Variants in CSMD1 observed in about 807,000 individuals in gnomAD.
CSMD1 encodes the protein CUB and sushi domain-containing protein 1.
In CSMD1, 213 loss-of-function variants were observed where a neutral mutation model predicts 417.5. The observed-to-expected ratio is 0.51, with a 90% CI of 0.46 to 0.57. The LOEUF (loss-of-function observed/expected upper bound fraction) is 0.57. Among genes scored for constraint, CSMD1 ranks in the 20% least tolerant of loss-of-function variants. The pLI, the probability that CSMD1 is intolerant of heterozygous loss-of-function variation, is 0.00. For missense variants in CSMD1, 6,923 were observed against 4,529.7 expected, an observed-to-expected ratio of 1.53 and a Z score of -15.17; for synonymous variants, 2,862 against 1,736.8, an observed-to-expected ratio of 1.65 and a Z score of -16.11.
rs1168340584 is a variant in CSMD1, at chr8:3,439,281, GTATA to G, written c.1561+29427_1561+29430del. On this transcript the variant is annotated intron_variant, in intron 12 of 69. Transcript: ENST00000635120. ...TATTTGAGAGCATTTGGCAATGTCAGTATATATATATATATATATATATATATAT... is the reference window on the plus strand; with the variant it reads ...TATTTGAGAGCATTTGGCAATGTCAGTATATATATATATATATATATATAT... Among the ~76,000 whole-genome samples, 64 of 54,328 alleles carry G rather than the reference GTATA, an allele frequency of 1.2e-3. 4 individuals carry two copies. Among genetic ancestry groups the G allele is most frequent in the Middle Eastern group, 0.023 (2 of 88 alleles). The allele number at this position is 54,328 out of a possible 152,430, so 35.6% of individuals were successfully genotyped here.
At chr8:4,737,436 C>T (rs571342342) in intron 1 of CSMD1, among the ~76,000 whole-genome samples, 28 of 151,972 alleles carry the variant, frequency 1.8e-4, no homozygotes, top group African/African-American at 6.0e-4. Context: ...CCACAAATTG[C>T]CATAACAAAA....
At chr8:4,901,154 C>T (rs542453902) in intron 1 of CSMD1, among the ~76,000 whole-genome samples, 1 of 152,314 alleles carries the variant, frequency 6.6e-6, no homozygotes, top group South Asian at 2.1e-4. Flanking sequence ...GTCATCTGGG[C>T]TAAGAAAGAT....
chr8:3,391,271 G>C (rs565185701), intron 17 of CSMD1, among the ~76,000 whole-genome samples: 2 of 152,268 alleles, frequency 1.3e-5, no homozygotes, highest in South Asian at 4.1e-4. Flanking sequence ...CAATCACACA[G>C]TAGAGTATGT....
chr8:4,225,439 A>G lies in CSMD1; in HGVS notation c.416-193340T>C, dbSNP rs1413235766. Among the ~76,000 whole-genome samples the G allele has an allele frequency of 2.0e-5, 3 of 151,860 alleles. No homozygotes were observed. In the East Asian group the frequency reaches 5.8e-4, roughly 29 times the overall value. ...AACATTTTCATACATTATTCTGATG[A>G]GTATTTGTTTAGAAATAACAATAAA... On this transcript the variant is annotated intron_variant, in intron 3 of 69. Coordinates refer to ENST00000635120, the MANE Select transcript of CSMD1 (RefSeq NM_033225.6).
At chr8:3,866,703 C>T (rs768419021) in intron 5 of CSMD1, among the ~76,000 whole-genome samples, 6 of 151,974 alleles carry the variant, frequency 3.9e-5, no homozygotes, top group Non-Finnish European at 8.8e-5. Context: ...AAAGCTATTC[C>T]ATAAGGTAGT....
At chr8:3,877,894 A>G (rs1373269244) in intron 5 of CSMD1, among the ~76,000 whole-genome samples, 3 of 152,180 alleles carry the variant, frequency 2.0e-5, no homozygotes, top group African/African-American at 4.8e-5. Context: ...GGAAAATTGT[A>G]TCTTCAAGTA....
At chr8:4,823,242 C>G (rs1445338833) in intron 1 of CSMD1, among the ~76,000 whole-genome samples, 1 of 151,872 alleles carries the variant, frequency 6.6e-6, no homozygotes, top group African/African-American at 2.4e-5. Context: ...TTGCCTAATT[C>G]TTATGCTTGT....
At chr8:3,706,493 A>C (rs1239905971) in intron 7 of CSMD1, among the ~76,000 whole-genome samples, 1 of 152,218 alleles carries the variant, frequency 6.6e-6, no homozygotes, top group Admixed American at 6.5e-5. Context: ...CATGCTTGAC[A>C]AATACTTTAA....
chr8:4,258,959 G>A lies in CSMD1; in HGVS notation c.415+160994C>T, dbSNP rs752960011. Among the ~76,000 whole-genome samples, 8 of 152,148 alleles carry A rather than the reference G, an allele frequency of 5.3e-5. No individual in the cohort carries two copies. The East Asian group carries it at 7.7e-4, about 15-fold the overall frequency. ...TTATTTCATCGACTTAATACACTAA[G>A]GTGTATAAATGTCTAACTAAGACTT... On this transcript the variant is annotated intron_variant, in intron 3 of 69. Coordinates refer to ENST00000635120, the MANE Select transcript of CSMD1 (RefSeq NM_033225.6).
At chr8:4,395,932 C>A (rs13258474) in intron 3 of CSMD1, among the ~76,000 whole-genome samples, 23 of 152,036 alleles carry the variant, frequency 1.5e-4, no homozygotes, top group Non-Finnish European at 3.2e-4. Flanking sequence ...TTTTTGTAAC[C>A]GTTGAAATAT....
At chr8:4,164,298 A>T (rs4537318) in intron 3 of CSMD1, among the ~76,000 whole-genome samples, 1 of 151,848 alleles carries the variant, frequency 6.6e-6, no homozygotes, top group Non-Finnish European at 1.5e-5. Context: ...ACAAATGATA[A>T]ATATAGAATC....
chr8:3,847,821 C>T (rs1024640227), intron 5 of CSMD1, among the ~76,000 whole-genome samples: 1 of 152,130 alleles, frequency 6.6e-6, no homozygotes, highest in Non-Finnish European at 1.5e-5. Flanking sequence ...CACATCAAAC[C>T]TCATCTTGAC....
chr8:3,505,112 T>C (rs1036895151), intron 10 of CSMD1, among the ~76,000 whole-genome samples: 4 of 152,072 alleles, frequency 2.6e-5, no homozygotes, highest in African/African-American at 9.7e-5. Context: ...AACCCAAGCA[T>C]CACAGGCAGA....
At chr8:2,985,938 A>AGGGAAG (rs747304622) in intron 54 of CSMD1, among the ~76,000 whole-genome samples, 1,377 of 101,760 alleles carry the variant, frequency 0.014, 19 homozygotes, top group African/African-American at 0.031. Context: ...AGGGGAGGGA[A>AGGGAAG]GGGAAGGGGA....
intron 8 of CSMD1, among the ~76,000 whole-genome samples, chr8:3,608,303 G>A (rs1801720187): frequency 6.6e-6 from 1 of 152,236 alleles, no homozygotes; most frequent in African/African-American, 2.4e-5. Context: ...GCCACATGGA[G>A]CTCTTTATGG....
At chr8:4,089,831 A>AGG (rs1439753297) in intron 3 of CSMD1, among the ~76,000 whole-genome samples, 3 of 152,132 alleles carry the variant, frequency 2.0e-5, no homozygotes, top group Non-Finnish European at 4.4e-5. Flanking sequence ...GTGAGAGCTG[A>AGG]GGCTTCTGGA....
intron 3 of CSMD1, among the ~76,000 whole-genome samples, chr8:4,412,094 C>T (rs78386264): frequency 0.019 from 2,789 of 149,588 alleles, 70 homozygotes; most frequent in African/African-American, 0.065. Flanking sequence ...TGCAAGAGTG[C>T]GTGCGTGTGT....
chr8:3,657,278 C>G (rs939491996), intron 7 of CSMD1, among the ~76,000 whole-genome samples: 1 of 152,064 alleles, frequency 6.6e-6, no homozygotes, highest in African/African-American at 2.4e-5. Context: ...AGTGAACAAT[C>G]TGAAAAGAAA....
chr8:3,645,162 C>G (rs986706227), intron 7 of CSMD1, among the ~76,000 whole-genome samples: 2 of 152,034 alleles, frequency 1.3e-5, no homozygotes, highest in Admixed American at 6.5e-5. Context: ...GATCAAATCA[C>G]CATTTCACTC....
Sources: allele counts gnomAD v4.1 joint callset (sites outside exome capture counted in the v4.1 genomes callset), GRCh38; gene constraint gnomAD v4.1.1; transcripts MANE v1.5; gene names NCBI Gene and HGNC (gene_info 2026-07-23, HGNC 2026-07-21).